ZFAND3: variants seen among roughly 807,000 people sequenced by gnomAD.
The protein encoded by ZFAND3 is zinc finger AN1-type containing 3.
A neutral mutation model predicts 29.6 loss-of-function variants in ZFAND3; 10 were observed. The ratio of observed to expected loss-of-function variants is 0.34; its 90% CI spans 0.21 to 0.57. The LOEUF (loss-of-function observed/expected upper bound fraction) is 0.57, where lower values mean the gene tolerates loss of function less well. Ranked by LOEUF, ZFAND3 falls within the 20% of genes least tolerant of loss-of-function variation. The pLI is 0.86. For synonymous variants in ZFAND3, 128 were observed against 112.6 expected (o/e 1.14, Z -0.87); for missense variants, 230 against 304.5 (o/e 0.76, Z 1.82).
chr6:38,061,503 T>C (rs1764238941), intron 2 of ZFAND3, 90 bp from the exon 3 acceptor site: 16 of 1,471,370 alleles, frequency 1.1e-5, no homozygotes, highest in Non-Finnish European at 1.4e-5. Context: ...TTGGTGTTGT[T>C]GCATTTAATT....
chr6:38,016,359 A>G (rs1273562730), intron 2 of ZFAND3, among the ~76,000 whole-genome samples: 2 of 152,214 alleles, frequency 1.3e-5, no homozygotes, highest in Non-Finnish European at 2.9e-5. Flanking sequence ...ACTTCAGAGA[A>G]CCATGGGACG....
At chr6:37,959,848 T>C (rs1212900608) in intron 2 of ZFAND3, among the ~76,000 whole-genome samples, 2 of 152,226 alleles carry the variant, frequency 1.3e-5, no homozygotes, top group South Asian at 2.1e-4. Context: ...AGAACACTTA[T>C]CACCTAACCT....
rs570183165 is a variant in ZFAND3 at position 37,973,893 on chromosome 6, G to A, written c.112+43894G>A. Among the ~76,000 whole-genome samples, 9 of 152,260 alleles carry A rather than the reference G, an allele frequency of 5.9e-5. No homozygotes were observed. In the East Asian group the frequency reaches 1.5e-3, roughly 26 times the overall value. ...ATCACCTTTGACGAGCAATACAGTG[G>A]CCAGTATATTGTGTTGTAGGTTTGA... On this transcript the variant is annotated intron_variant, in intron 2 of 5. Coordinates refer to ENST00000287218, the MANE Select transcript of ZFAND3 (RefSeq NM_021943.3).
chr6:37,960,702 C>G (rs1035167444), intron 2 of ZFAND3, among the ~76,000 whole-genome samples: 7 of 152,172 alleles, frequency 4.6e-5, no homozygotes, highest in African/African-American at 1.7e-4. Context: ...AGAAACTTCT[C>G]TCATCACAGT....
chr6:38,079,903 T>A (rs1764627259), intron 3 of ZFAND3, among the ~76,000 whole-genome samples: 2 of 152,144 alleles, frequency 1.3e-5, no homozygotes, highest in African/African-American at 2.4e-5. Flanking sequence ...CCCAGGACTT[T>A]CTGGGTGTTG....
At chr6:38,064,111 T>C (rs2127464441) in intron 3 of ZFAND3, among the ~76,000 whole-genome samples, 1 of 152,320 alleles carries the variant, frequency 6.6e-6, no homozygotes, top group South Asian at 2.1e-4. Flanking sequence ...ATACCCAATT[T>C]TGCATAAAAT....
chr6:37,934,188 C>CTT (rs772877217), intron 2 of ZFAND3, among the ~76,000 whole-genome samples: 3 of 133,210 alleles, frequency 2.3e-5, no homozygotes, highest in African/African-American at 5.5e-5. Context: ...GCGCCCGGCC[C>CTT]TTTTTTTTTT....
At chr6:38,124,837 G>A (rs1406590418) in intron 5 of ZFAND3, among the ~76,000 whole-genome samples, 1 of 152,238 alleles carries the variant, frequency 6.6e-6, no homozygotes, top group Non-Finnish European at 1.5e-5. Flanking sequence ...GAGGCGCCAA[G>A]AGTGAGCGAG....
At chr6:37,959,007 C>T (rs1156557500) in intron 2 of ZFAND3, among the ~76,000 whole-genome samples, 1 of 152,162 alleles carries the variant, frequency 6.6e-6, no homozygotes, top group African/African-American at 2.4e-5. Flanking sequence ...TCCTCTGGGT[C>T]ATTACCCATT....
chr6:38,048,595 C>G (rs1026891638), intron 2 of ZFAND3, among the ~76,000 whole-genome samples: 1 of 67,796 alleles, frequency 1.5e-5, no homozygotes, highest in Non-Finnish European at 2.8e-5. Flanking sequence ...GCACTCCAGC[C>G]TGGGTGACAG....
At chr6:38,073,565 A>G (rs1446447340) in intron 3 of ZFAND3, among the ~76,000 whole-genome samples, 1 of 152,198 alleles carries the variant, frequency 6.6e-6, no homozygotes, top group Non-Finnish European at 1.5e-5. Flanking sequence ...AAAACAAAAC[A>G]GTGTCTAAAA....
At chr6:37,859,864 T>TG (rs1764449127) in intron 1 of ZFAND3, among the ~76,000 whole-genome samples, 1 of 125,464 alleles carries the variant, frequency 8.0e-6, no homozygotes, top group African/African-American at 2.9e-5. Context: ...TGGAGTGGGT[T>TG]TTTTTTTTTT....
intron 5 of ZFAND3, among the ~76,000 whole-genome samples, chr6:38,151,985 C>T (rs1195776659): frequency 6.6e-6 from 1 of 152,182 alleles, no homozygotes; most frequent in Non-Finnish European, 1.5e-5. Flanking sequence ...CAGCCATCAA[C>T]TTAGGGTTCT....
At chr6:37,897,954 T>C (rs1175274261) in intron 1 of ZFAND3, among the ~76,000 whole-genome samples, 1 of 152,190 alleles carries the variant, frequency 6.6e-6, no homozygotes, top group African/African-American at 2.4e-5. Context: ...ACACACCCCA[T>C]GTATGTGTAT....
chr6:38,149,326 C>T (rs1766173193), intron 5 of ZFAND3, among the ~76,000 whole-genome samples: 1 of 151,346 alleles, frequency 6.6e-6, no homozygotes, highest in Non-Finnish European at 1.5e-5. Flanking sequence ...GCAGGAAGAC[C>T]TCTTGAGCCC....
intron 4 of ZFAND3, among the ~76,000 whole-genome samples, chr6:38,099,238 A>G (rs750650652): frequency 1.3e-5 from 2 of 152,190 alleles, no homozygotes; most frequent in Non-Finnish European, 2.9e-5. Context: ...CAATAAATTC[A>G]CTGGTTTATG....
intron 2 of ZFAND3, among the ~76,000 whole-genome samples, chr6:38,026,647 TC>T (rs924608505): frequency 2.6e-5 from 4 of 152,036 alleles, no homozygotes; most frequent in African/African-American, 9.7e-5. Flanking sequence ...CCCAGGCTGA[TC>T]CTGAACTTCT....
At chr6:37,998,024 A>G (rs940339667) in intron 2 of ZFAND3, among the ~76,000 whole-genome samples, 12 of 152,224 alleles carry the variant, frequency 7.9e-5, no homozygotes, top group African/African-American at 2.9e-4. Context: ...ATGAATGTTT[A>G]TCATGGCAGC....
At chr6:38,074,831 G>A (rs1267902331) in intron 3 of ZFAND3, among the ~76,000 whole-genome samples, 2 of 152,208 alleles carry the variant, frequency 1.3e-5, no homozygotes, top group South Asian at 4.1e-4. Context: ...TTAAGTGGAA[G>A]CCAGTGCTTA....
Sources: allele counts gnomAD v4.1 joint callset (sites outside exome capture counted in the v4.1 genomes callset), GRCh38; gene constraint gnomAD v4.1.1; transcripts MANE v1.5; gene names NCBI Gene and HGNC (gene_info 2026-07-23, HGNC 2026-07-21).